PRELID2: variants seen among roughly 807,000 people sequenced by gnomAD.
PRELID2 encodes PRELI domain-containing protein 2.
PRELID2 carries 25 observed loss-of-function variants against 28.4 expected under a neutral mutation model. The ratio of observed to expected loss-of-function variants is 0.88; its 90% confidence interval spans 0.64 to 1.23. The LOEUF (loss-of-function observed/expected upper bound fraction) is 1.23. Ranked by LOEUF, PRELID2 falls within the 50% of genes most tolerant of loss-of-function variation. The pLI, the probability that PRELID2 is intolerant of heterozygous loss-of-function variation, is 0.00. For missense variants in PRELID2, 201 were observed against 214.4 expected (o/e 0.94, Z 0.39); for synonymous variants, 76 against 71.6 (o/e 1.06, Z -0.31).
At chr5:145,513,934 C>G (rs1752488951) in intron 1 of PRELID2, among the ~76,000 whole-genome samples, 1 of 152,094 alleles carries the variant, frequency 6.6e-6, no homozygotes, top group South Asian at 2.1e-4. Flanking sequence ...CCCTTACAGA[C>G]AGGCAAATGC....
intron 1 of PRELID2, among the ~76,000 whole-genome samples, chr5:145,683,946 T>C (rs1455301227): frequency 6.6e-6 from 1 of 152,148 alleles, no homozygotes; most frequent in Non-Finnish European, 1.5e-5. Flanking sequence ...TACTCAGGGA[T>C]ATACCAGGTT....
chr5:145,481,623 CAAAAAAAAAAAAAAAAA>C (rs70998021), intron 1 of PRELID2, among the ~76,000 whole-genome samples: 15 of 41,860 alleles, frequency 3.6e-4, no homozygotes, highest in Non-Finnish European at 4.5e-4. Context: ...GCAAGGAAAT[CAAAAAAAAAAAAAAAAA>C]AAAAAAAAAA....
intron 1 of PRELID2, among the ~76,000 whole-genome samples, chr5:145,646,161 A>T (rs1407411407): frequency 6.6e-6 from 1 of 152,156 alleles, no homozygotes; most frequent in African/African-American, 2.4e-5. Flanking sequence ...AGTCACTTTT[A>T]GGTACACCAT....
the PRELID2 span, among the ~76,000 whole-genome samples, chr5:145,291,356 AAAAAAG>A: frequency 1.7e-3 from 259 of 150,902 alleles, 2 homozygotes; most frequent in African/African-American, 6.1e-3. Flanking sequence ...AAAAAAAAAA[AAAAAAG>A]GAGAGGGGTA....
chr5:145,379,649 A>G, the PRELID2 span, among the ~76,000 whole-genome samples: 88 of 152,266 alleles, frequency 5.8e-4, no homozygotes, highest in South Asian at 2.1e-3. Context: ...GGGAGCAGGG[A>G]TGGAGCACAG....
intron 1 of PRELID2, among the ~76,000 whole-genome samples, chr5:145,651,103 A>C (rs992529068): frequency 3.3e-5 from 5 of 152,162 alleles, no homozygotes. Flanking sequence ...GCACACCAGG[A>C]GATGATATCC....
chr5:145,619,304 C>T (rs183717346), intron 1 of PRELID2, among the ~76,000 whole-genome samples: 138 of 152,320 alleles, frequency 9.1e-4, no homozygotes, highest in African/African-American at 3.1e-3. Flanking sequence ...CCTGTGGCCA[C>T]GCTCCCAAAG....
At chr5:145,297,515 T>C in the PRELID2 span, among the ~76,000 whole-genome samples, 15 of 152,282 alleles carry the variant, frequency 9.9e-5, no homozygotes, top group Non-Finnish European at 1.3e-4. Context: ...AATATCATAC[T>C]GAATGGGCAA....
chr5:145,324,865 A>C, the PRELID2 span, among the ~76,000 whole-genome samples: 46,349 of 152,044 alleles, frequency 0.3, 7,437 homozygotes, highest in African/African-American at 0.4. Flanking sequence ...GTGTGTCTGG[A>C]TTCCAAACTT....
At chr5:145,615,311 T>C (rs1753678917) in intron 1 of PRELID2, among the ~76,000 whole-genome samples, 1 of 146,546 alleles carries the variant, frequency 6.8e-6, no homozygotes, top group Non-Finnish European at 1.5e-5. Context: ...ATGTGTTATG[T>C]GAGTCTCTTT....
chr5:145,383,285 G>T, the PRELID2 span, among the ~76,000 whole-genome samples: 2 of 149,852 alleles, frequency 1.3e-5, no homozygotes, highest in Non-Finnish European at 3.0e-5. Flanking sequence ...ACACACATAC[G>T]TACATATATA....
chr5:145,499,930 C>A (rs909669151), intron 1 of PRELID2, among the ~76,000 whole-genome samples: 1 of 152,204 alleles, frequency 6.6e-6, no homozygotes, highest in African/African-American at 2.4e-5. Context: ...GCACACCTAC[C>A]TGTAAACCCC....
At chr5:145,808,134 T>C (rs1397324091) in intron 4 of PRELID2, among the ~76,000 whole-genome samples, 3 of 152,166 alleles carry the variant, frequency 2.0e-5, no homozygotes, top group East Asian at 1.9e-4. Context: ...GAGGGAGTCA[T>C]GTTTTGGGAC....
At chr5:145,365,295 T>C in the PRELID2 span, among the ~76,000 whole-genome samples, 1 of 151,980 alleles carries the variant, frequency 6.6e-6, no homozygotes, top group African/African-American at 2.4e-5. Context: ...AAAAGATAAG[T>C]ATTTTAGGTA....
chr5:145,704,756 T>C (rs372728857), intron 1 of PRELID2, among the ~76,000 whole-genome samples: 5 of 152,178 alleles, frequency 3.3e-5, no homozygotes, highest in African/African-American at 1.2e-4. Flanking sequence ...CTCTCCTAGA[T>C]AAAATTTAGA....
chr5:145,301,930 C>CTTTTTTTT, the PRELID2 span, among the ~76,000 whole-genome samples: 12 of 110,174 alleles, frequency 1.1e-4, no homozygotes, highest in East Asian at 5.3e-4. Flanking sequence ...TTATTCATTT[C>CTTTTTTTT]TTTTTTTTTT....
intron 1 of PRELID2, among the ~76,000 whole-genome samples, chr5:145,590,636 T>C (rs1015221382): frequency 5.1e-4 from 78 of 152,224 alleles, no homozygotes; most frequent in Admixed American, 4.7e-3. Flanking sequence ...TCTTACTAAA[T>C]TGTTACAAAT....
At chr5:145,558,965 T>G (rs528749320) in intron 1 of PRELID2, among the ~76,000 whole-genome samples, 1 of 152,114 alleles carries the variant, frequency 6.6e-6, no homozygotes, top group African/African-American at 2.4e-5. Flanking sequence ...AGTAAAAAAG[T>G]GTTTTGGGGC....
At chr5:145,484,675 C>T (rs537035563) in intron 1 of PRELID2, among the ~76,000 whole-genome samples, 3 of 152,286 alleles carry the variant, frequency 2.0e-5, no homozygotes, top group African/African-American at 7.2e-5. Context: ...CATAATGGTA[C>T]TCAACTGGAC....
Sources: gnomAD v4.1 joint callset for allele counts (sites outside exome capture counted in the v4.1 genomes callset) on GRCh38, gnomAD v4.1.1 for gene constraint, MANE v1.5 for transcripts, NCBI Gene and HGNC (gene_info 2026-07-23, HGNC 2026-07-21) for gene names.